ERCC6: variants seen among roughly 807,000 people sequenced by gnomAD.
The protein encoded by ERCC6 is DNA excision repair protein ERCC-6.
Under a neutral mutation model 158.7 loss-of-function variants are expected in ERCC6, and 116 were observed. The observed-to-expected ratio is 0.73, with a 90% CI of 0.63 to 0.85. The LOEUF (loss-of-function observed/expected upper bound fraction) is 0.85, where lower values mean the gene tolerates loss of function less well. Among genes scored for constraint, ERCC6 ranks in the 40% least tolerant of loss-of-function variants. ERCC6 has a pLI of 0.00. For missense variants in ERCC6, 1,698 were observed against 1,799.4 expected (o/e 0.94, Z 1.02); for synonymous variants, 678 against 659.3 (o/e 1.03, Z -0.43).
intron 4 of ERCC6, among the ~76,000 whole-genome samples, chr10:49,527,250 G>A (rs1432775923): frequency 6.6e-6 from 1 of 152,224 alleles, no homozygotes; most frequent in Non-Finnish European, 1.5e-5. Context: ...ACAGTAGGAG[G>A]TGAAAGACAA....
At position 49,500,589 on chromosome 10, in the gene ERCC6, A is replaced by G. The variant is rs1851339704; in HGVS notation, c.1634T>C (p.Phe545Ser). 6.2e-7 allele frequency: 1 copy of G among 1,614,028 alleles called. No homozygotes were observed. Among genetic ancestry groups the G allele is most frequent in the Non-Finnish European group, 8.5e-7 (1 of 1,179,924 alleles). Reference protein sequence around the residue: ...GLGKTIQIIAFLAGLSYSKIR... With the variant: ...GLGKTIQIIASLAGLSYSKIR... The stretch of plus-strand genomic sequence containing the variant: ...CTTGCTGTAGCTCAGACCTGCCAAG[A>G]AGGCAATTATCTGGATGGTCTTGCC... Residue 545 changes from phenylalanine (F) to serine (S), a missense_variant, in exon 7 of 21, where the codon TTC becomes TCC. Physicochemically the swap from Phe to Ser is radical, Grantham distance 155. Transcript: ENST00000355832.
chr10:49,515,173 C>T, intron 5 of ERCC6: 1 of 1,309,582 alleles, frequency 7.6e-7, no homozygotes, highest in Non-Finnish European at 9.7e-7. Flanking sequence ...ATATATGTTA[C>T]CTAGAAAAAT....
At position 49,458,141 on chromosome 10, in the gene ERCC6, C is replaced by T. The variant is rs1364629412; in HGVS notation, c.*674G>A. The T allele has an allele frequency of 2.6e-5, 4 of 152,328 alleles. No homozygotes were observed. In the East Asian group the frequency reaches 7.7e-4, roughly 29 times the overall value. The allele number at this position is 152,328 out of a possible 1,614,324, so 9.4% of individuals were successfully genotyped here. ...GTAGGAGAGAAAAAGATGCCCTCTG[C>T]TTAAAGGAAAGCCAGGGTAAACTGA... is the stretch of plus-strand genomic sequence containing the variant. On this transcript the variant is annotated 3_prime_UTR_variant, in exon 21 of 21. Transcript: ENST00000355832.
At chr10:49,508,228 T>C (rs376330926) in intron 5 of ERCC6, among the ~76,000 whole-genome samples, 8 of 152,318 alleles carry the variant, frequency 5.3e-5, no homozygotes, top group South Asian at 2.1e-4. Flanking sequence ...CCAGAATATA[T>C]TGCCTTTTGA....
At chr10:49,525,106 C>T in intron 4 of ERCC6, 1 of 351,604 alleles carries the variant, frequency 2.8e-6, no homozygotes, top group Non-Finnish European at 5.0e-6. Flanking sequence ...GTTTCCTTAT[C>T]AGCTGAGTAG....
intron 14 of ERCC6, 67 bp from the exon 15 acceptor site, chr10:49,473,095 T>A: frequency 6.2e-7 from 1 of 1,608,470 alleles, no homozygotes; most frequent in South Asian, 1.1e-5. Flanking sequence ...AGCCTCTGCC[T>A]CCACATATTG....
intron 18 of ERCC6, among the ~76,000 whole-genome samples, chr10:49,463,165 C>A (rs4253215): frequency 6.6e-6 from 1 of 151,918 alleles, no homozygotes; most frequent in African/African-American, 2.4e-5. Flanking sequence ...GGATGGGCCC[C>A]AAGTCTAAAC....
rs1309929658 is a variant in ERCC6 at position 49,532,942 on chromosome 10, T to G, written c.23A>C (p.His8Pro). MPNEGIP[H>P]SSQTQEQDCL... ...GTCTTGCTCCTGAGTTTGACTTGAG[T>G]GGGGGATTCCCTCATTTGGCATTCT... Residue 8 changes from histidine (H) to proline (P), a missense_variant, in exon 2 of 21, where the codon CAC (histidine) becomes CCC (proline). Physicochemically the swap from His to Pro is moderately conservative, Grantham distance 77 (BLOSUM62 -2). Transcript: ENST00000355832. 1 of 1,614,208 alleles carries G rather than the reference T, an allele frequency of 6.2e-7. No homozygotes were observed. The highest frequency in any genetic ancestry group is 8.5e-7 in the Non-Finnish European group (1 of 1,180,044).
At chr10:49,486,487 TA>T (rs1360105764) in intron 8 of ERCC6, among the ~76,000 whole-genome samples, 1 of 152,092 alleles carries the variant, frequency 6.6e-6, no homozygotes, top group African/African-American at 2.4e-5. Flanking sequence ...AAAATAATAA[TA>T]ACTCTTTGGA....
intron 18 of ERCC6, among the ~76,000 whole-genome samples, chr10:49,463,338 T>C (rs1308157498): frequency 6.6e-6 from 1 of 152,192 alleles, no homozygotes; most frequent in African/African-American, 2.4e-5. Context: ...TCTGGCATCA[T>C]GTCAGTGCAC....
intron 5 of ERCC6, chr10:49,515,324 T>C: frequency 6.3e-7 from 1 of 1,595,684 alleles, no homozygotes; most frequent in Non-Finnish European, 8.6e-7. Flanking sequence ...CAGGAGGTGG[T>C]GACACCTGCT....
At chr10:49,443,905 C>T in the ERCC6 span, among the ~76,000 whole-genome samples, 1 of 152,296 alleles carries the variant, frequency 6.6e-6, no homozygotes, top group East Asian at 1.9e-4. Flanking sequence ...AGAACGTGTC[C>T]TCATATCCCT....
chr10:49,437,105 C>T, the ERCC6 span, among the ~76,000 whole-genome samples: 1 of 151,976 alleles, frequency 6.6e-6, no homozygotes, highest in African/African-American at 2.4e-5. Context: ...TCAGGAGATC[C>T]GATGGTTTTA....
chr10:49,528,788 C>T (rs907576455), intron 3 of ERCC6, among the ~76,000 whole-genome samples: 40 of 152,152 alleles, frequency 2.6e-4, no homozygotes, highest in Non-Finnish European at 2.9e-5. Context: ...AGACTGCCTT[C>T]TATGTGCCCG....
In ERCC6 at chr10:49,505,901, C is replaced by T. The variant is rs1270808015; in HGVS notation, c.1509G>A (p.Leu503=). 1.2e-6 allele frequency: 2 copies of T among 1,613,268 alleles called. No individual in the cohort carries two copies. The part of the protein sequence containing the change: ...FDEGFKVPGF[L]FKKLFKYQQT... Reference sequence around the variant, plus strand: ...GTACATACTTAAAAAGCTTTTTGAACAGAAAACCTGGCACTTTAAAACCTT... The same window carrying T: ...GTACATACTTAAAAAGCTTTTTGAATAGAAAACCTGGCACTTTAAAACCTT... The change falls in exon 6 of 21, where the codon CTG becomes CTA. Residue 503 remains leucine (L), a synonymous_variant. Coordinates refer to ENST00000355832, the MANE Select transcript of ERCC6 (RefSeq NM_000124.4).
At chr10:49,464,753 A>G (rs935081807) in intron 18 of ERCC6, among the ~76,000 whole-genome samples, 2 of 152,236 alleles carry the variant, frequency 1.3e-5, no homozygotes, top group Middle Eastern at 3.2e-3. Context: ...GCAAGCCCCA[A>G]GCCTTGGGAG....
chr10:49,478,991 C>T (rs1433032118), intron 10 of ERCC6, among the ~76,000 whole-genome samples: 1 of 151,998 alleles, frequency 6.6e-6, no homozygotes, highest in African/African-American at 2.4e-5. Flanking sequence ...TGGAGACTTA[C>T]AAGAGTAAGT....
At chr10:49,471,230 T>C in intron 16 of ERCC6, 110 bp from the exon 17 acceptor site, 1 of 1,055,506 alleles carries the variant, frequency 9.5e-7, no homozygotes, top group South Asian at 1.3e-5. Flanking sequence ...CATGAATGGC[T>C]AAATAATCCC....
At chr10:49,462,817 C>CCA (rs1850606843) in intron 18 of ERCC6, among the ~76,000 whole-genome samples, 1 of 152,308 alleles carries the variant, frequency 6.6e-6, no homozygotes, top group Admixed American at 6.5e-5. Flanking sequence ...AAGTGTAACA[C>CCA]CACACTCTTG....
Sources: allele counts gnomAD v4.1 joint callset (sites outside exome capture counted in the v4.1 genomes callset), GRCh38; gene constraint gnomAD v4.1.1; transcripts MANE v1.5; gene names NCBI Gene and HGNC (gene_info 2026-07-23, HGNC 2026-07-21).